SGTB: variants seen among roughly 807,000 people sequenced by gnomAD.
SGTB encodes the protein small glutamine rich tetratricopeptide repeat co-chaperone beta, also known as small glutamine-rich tetratricopeptide repeat-containing protein beta.
SGTB carries 19 observed loss-of-function variants against 43.9 expected under a neutral mutation model. The observed-to-expected ratio is 0.43, with a 90% CI of 0.30 to 0.63. The LOEUF (loss-of-function observed/expected upper bound fraction) is 0.63, where lower values mean the gene tolerates loss of function less well. Ranked by LOEUF, SGTB falls within the 30% of genes least tolerant of loss-of-function variation. The pLI, the probability that SGTB is intolerant of heterozygous loss-of-function variation, is 0.12. For synonymous variants in SGTB, 116 were observed against 117.3 expected, an observed-to-expected ratio of 0.99 and a Z score of 0.07; for missense variants, 304 against 358.9, an observed-to-expected ratio of 0.85 and a Z score of 1.24.
intron 6 of SGTB, among the ~76,000 whole-genome samples, chr5:65,684,502 T>A (rs1378331216): frequency 6.6e-6 from 1 of 152,088 alleles, no homozygotes; most frequent in African/African-American, 2.4e-5. Context: ...GTGGAGAAGG[T>A]ACAAGGGAAT....
At chr5:65,684,225 C>T (rs904858903) in intron 6 of SGTB, among the ~76,000 whole-genome samples, 3 of 151,956 alleles carry the variant, frequency 2.0e-5, no homozygotes, top group East Asian at 3.9e-4. Flanking sequence ...GCTGGGACTA[C>T]AGGTGTACCC....
chr5:65,680,113 C>A (rs1757365411), intron 8 of SGTB, among the ~76,000 whole-genome samples: 1 of 152,048 alleles, frequency 6.6e-6, no homozygotes, highest in African/African-American at 2.4e-5. Context: ...CAAGTGGGAG[C>A]CAAATGATGA....
intron 6 of SGTB, among the ~76,000 whole-genome samples, chr5:65,682,711 T>G (rs1757420457): frequency 6.6e-6 from 1 of 152,204 alleles, no homozygotes; most frequent in Non-Finnish European, 1.5e-5. Flanking sequence ...ATGAGTTCTG[T>G]CTGGGACATG....
chr5:65,703,765 C>T (rs974274245), intron 5 of SGTB, among the ~76,000 whole-genome samples: 1 of 149,562 alleles, frequency 6.7e-6, no homozygotes. Context: ...AGGCCGGGCG[C>T]GGTGGCTCAC....
At chr5:65,699,405 T>C (rs1757770970) in intron 5 of SGTB, among the ~76,000 whole-genome samples, 1 of 152,124 alleles carries the variant, frequency 6.6e-6, no homozygotes, top group African/African-American at 2.4e-5. Context: ...GGGAGGGAGA[T>C]GAGAGATAAA....
At chr5:65,720,952 G>T in intron 1 of SGTB, 123 bp from the exon 2 acceptor site, 2 of 960,026 alleles carry the variant, frequency 2.1e-6, no homozygotes, top group Non-Finnish European at 2.9e-6. Context: ...ACACAAAACT[G>T]TATGACCTTT....
chr5:65,679,863 C>T (rs1429520263), intron 8 of SGTB, among the ~76,000 whole-genome samples: 1 of 152,148 alleles, frequency 6.6e-6, no homozygotes, highest in East Asian at 1.9e-4. Flanking sequence ...CACATTCGTA[C>T]GTATGTTCAC....
intron 6 of SGTB, among the ~76,000 whole-genome samples, chr5:65,682,653 T>C (rs188785542): frequency 1.3e-4 from 20 of 152,334 alleles, no homozygotes; most frequent in Admixed American, 9.1e-4. Flanking sequence ...ATGGGATAGA[T>C]AACTAATTGT....
At position 65,674,254 on chromosome 5, in the gene SGTB, C is replaced by G. The variant is rs186161587; in HGVS notation, c.682-1973G>C. Among the ~76,000 whole-genome samples, 391 of 152,266 alleles carry G rather than the reference C, an allele frequency of 2.6e-3. 4 individuals carry two copies. The highest frequency in any genetic ancestry group is 9.1e-3 in the African/African-American group (379 of 41,544). ...TTCTTTGAAAAGGGTAATTTACCCT[C>G]TGGATGGATGCTATGACTTTCCCTT... On this transcript the variant is annotated intron_variant, in intron 8 of 10. Coordinates refer to ENST00000381007, the MANE Select transcript of SGTB (RefSeq NM_019072.3).
chr5:65,688,530 A>G (rs1158224040), intron 5 of SGTB, among the ~76,000 whole-genome samples: 2 of 152,242 alleles, frequency 1.3e-5, no homozygotes, highest in Non-Finnish European at 2.9e-5. Context: ...GAATTCAGAG[A>G]AAGAACTATG....
chr5:65,701,782 G>C (rs1757829561), intron 5 of SGTB, among the ~76,000 whole-genome samples: 2 of 151,950 alleles, frequency 1.3e-5, no homozygotes, highest in African/African-American at 4.8e-5. Context: ...ACAGGCGCCT[G>C]CCACCATGCC....
intron 1 of SGTB, 50 bp downstream of exon 1, chr5:65,721,867 C>T (rs2255261): frequency 0.53 from 81,237 of 151,924 alleles, 22,035 homozygotes; most frequent in South Asian, 0.6. Context: ...GGTGCGGGCC[C>T]CGGTCCGGAG....
rs141372516 is a variant in SGTB at position 65,672,529 on chromosome 5, T to C, written c.682-248A>G. 1.2e-4 allele frequency among the ~76,000 whole-genome samples: 18 copies of C among 152,184 alleles called. 1 individual carries two copies. In the East Asian group the frequency reaches 3.5e-3, roughly 29 times the overall value. Reference sequence around the variant, plus strand: ...TATAAACTGAGGATGTTGACAGCAGTTTACTTACTACTGCTATCAGACCAA... The same window carrying C: ...TATAAACTGAGGATGTTGACAGCAGCTTACTTACTACTGCTATCAGACCAA... On this transcript the variant is annotated intron_variant, in intron 8 of 10. Transcript: ENST00000381007.
At chr5:65,704,045 A>ATAAATAAATAAAT (rs1554025694) in intron 5 of SGTB, among the ~76,000 whole-genome samples, 15 of 125,368 alleles carry the variant, frequency 1.2e-4, no homozygotes, top group African/African-American at 3.0e-4. Context: ...CAAAAAAAAA[A>ATAAATAAATAAAT]AAAAAAATAA....
chr5:65,679,489 T>C (rs1244323358), intron 8 of SGTB, among the ~76,000 whole-genome samples: 2 of 152,152 alleles, frequency 1.3e-5, no homozygotes, highest in Middle Eastern at 3.4e-3. Flanking sequence ...TGGTTGTGGG[T>C]GCCTATAATC....
At chr5:65,721,119 C>T (rs1758266128) in intron 1 of SGTB, among the ~76,000 whole-genome samples, 1 of 152,210 alleles carries the variant, frequency 6.6e-6, no homozygotes, top group African/African-American at 2.4e-5. Context: ...TAGACTGTCA[C>T]TGCATATCTC....
At chr5:65,690,665 G>A (rs1757588153) in intron 5 of SGTB, among the ~76,000 whole-genome samples, 1 of 151,970 alleles carries the variant, frequency 6.6e-6, no homozygotes, top group Non-Finnish European at 1.5e-5. Flanking sequence ...GATAGAGAGA[G>A]GTATTATTTT....
intron 8 of SGTB, among the ~76,000 whole-genome samples, chr5:65,678,887 A>G (rs1468483220): frequency 1.3e-5 from 2 of 152,208 alleles, no homozygotes; most frequent in East Asian, 3.8e-4. Flanking sequence ...CAAAACTATA[A>G]GAACTCTATA....
At chr5:65,722,429 C>T (rs1218309095), upstream of SGTB, 2 of 1,581,512 alleles carry the variant, frequency 1.3e-6, no homozygotes, top group Non-Finnish European at 1.7e-6. Context: ...CTCCAGCGCG[C>T]GGGTTAACCT....
Sources: allele counts gnomAD v4.1 joint callset (sites outside exome capture counted in the v4.1 genomes callset), GRCh38; gene constraint gnomAD v4.1.1; transcripts MANE v1.5; gene names NCBI Gene and HGNC (gene_info 2026-07-23, HGNC 2026-07-21).